The following PAPPA2 variants were observed in gnomAD, a reference collection of about 807,000 sequenced individuals.
PAPPA2 encodes pappalysin 2, also known as pappalysin-2.
Under a neutral mutation model 176.4 loss-of-function variants are expected in PAPPA2, and 86 were observed. The ratio of observed to expected loss-of-function variants is 0.49; its 90% CI spans 0.41 to 0.58. PAPPA2 has a LOEUF of 0.58. Among genes scored for constraint, PAPPA2 ranks in the 20% least tolerant of loss-of-function variants. PAPPA2 has a pLI of 0.00. For missense variants in PAPPA2, 2,073 were observed against 2,256.9 expected, an observed-to-expected ratio of 0.92 and a Z score of 1.65; for synonymous variants, 809 against 852.2, an observed-to-expected ratio of 0.95 and a Z score of 0.88.
chr1:176,464,573 G>A (rs955428220), intron 1 of PAPPA2, among the ~76,000 whole-genome samples: 5 of 152,084 alleles, frequency 3.3e-5, no homozygotes, highest in African/African-American at 9.7e-5. Context: ...GTCCAGATGA[G>A]GTACGATATT....
At chr1:176,704,116 C>T (rs902682969) in intron 9 of PAPPA2, among the ~76,000 whole-genome samples, 4 of 151,308 alleles carry the variant, frequency 2.6e-5, no homozygotes, top group African/African-American at 7.3e-5. Context: ...GCCATTTCTG[C>T]CTGGAGGATG....
chr1:176,496,146 G>A (rs970628172), intron 1 of PAPPA2, among the ~76,000 whole-genome samples: 1 of 152,136 alleles, frequency 6.6e-6, no homozygotes, highest in East Asian at 1.9e-4. Flanking sequence ...CAACGTGCAG[G>A]TTTGTTACAT....
intron 21 of PAPPA2, among the ~76,000 whole-genome samples, chr1:176,826,945 G>T (rs2102979829): frequency 6.6e-6 from 1 of 152,230 alleles, no homozygotes; most frequent in Admixed American, 6.5e-5. Context: ...TTGTGGTAAG[G>T]ATACCTTCTA....
intron 3 of PAPPA2, among the ~76,000 whole-genome samples, chr1:176,664,088 C>T (rs1443627273): frequency 1.3e-5 from 2 of 152,086 alleles, no homozygotes; most frequent in Non-Finnish European, 2.9e-5. Flanking sequence ...GCCAGATGTT[C>T]ACTCTCTTTA....
chr1:176,810,265 C>A (rs754363162), intron 21 of PAPPA2, among the ~76,000 whole-genome samples: 3 of 152,088 alleles, frequency 2.0e-5, no homozygotes, highest in Non-Finnish European at 4.4e-5. Flanking sequence ...ATCCATAGAG[C>A]TCAGATGCTC....
chr1:176,805,065 TCC>T (rs1665842734), intron 21 of PAPPA2, among the ~76,000 whole-genome samples: 1 of 31,996 alleles, frequency 3.1e-5, no homozygotes, highest in Non-Finnish European at 7.7e-5. Flanking sequence ...TTCCTTCCCT[TCC>T]TTCCTTCCTT....
intron 21 of PAPPA2, among the ~76,000 whole-genome samples, chr1:176,821,417 G>T (rs1256226966): frequency 3.3e-5 from 5 of 152,162 alleles, no homozygotes; most frequent in African/African-American, 9.7e-5. Context: ...AAAGGAAATG[G>T]CATGAAGCTG....
intron 1 of PAPPA2, among the ~76,000 whole-genome samples, chr1:176,474,609 A>G (rs1226634897): frequency 6.6e-6 from 1 of 152,196 alleles, no homozygotes; most frequent in Admixed American, 6.6e-5. Context: ...GCCCAGCAGG[A>G]GACTTCAGGG....
Position 176,706,468 on chromosome 1 carries a change from A to G in PAPPA2, c.3457+18A>G. 1 of 1,605,484 alleles carries G rather than the reference A, an allele frequency of 6.2e-7. No individual in the cohort carries two copies. Among genetic ancestry groups the G allele is most frequent in the Non-Finnish European group, 8.5e-7 (1 of 1,172,548 alleles). On this transcript the variant is annotated intron_variant, in intron 10 of 22. Coordinates refer to ENST00000367662, the MANE Select transcript of PAPPA2 (RefSeq NM_020318.3). ...CTGTGTAGGTAAGTTCAAGAGTTTC[A>G]GTCTAAGATTGTGTCCTACTTTTAG...
At chr1:176,703,991 G>C (rs1039754083) in intron 9 of PAPPA2, among the ~76,000 whole-genome samples, 1 of 152,104 alleles carries the variant, frequency 6.6e-6, no homozygotes, top group Admixed American at 6.6e-5. Flanking sequence ...GTGCTGGGGG[G>C]GGTGGGTGAC....
At chr1:176,748,413 T>A (rs1663019611) in intron 14 of PAPPA2, among the ~76,000 whole-genome samples, 1 of 152,158 alleles carries the variant, frequency 6.6e-6, no homozygotes, top group Admixed American at 6.6e-5. Context: ...TCCAAGCAGT[T>A]CTCTACCAGA....
chr1:176,542,100 A>C (rs1263921550), intron 1 of PAPPA2, among the ~76,000 whole-genome samples: 1 of 152,204 alleles, frequency 6.6e-6, no homozygotes, highest in African/African-American at 2.4e-5. Context: ...TTTACACATG[A>C]ACATTTTTAT....
chr1:176,832,611 C>G (rs975788499), intron 21 of PAPPA2, among the ~76,000 whole-genome samples: 7 of 152,126 alleles, frequency 4.6e-5, no homozygotes, highest in Non-Finnish European at 8.8e-5. Context: ...CCTCGGCCTC[C>G]CAAAGTGCTG....
At chr1:176,472,481 C>T (rs1378240739) in intron 1 of PAPPA2, among the ~76,000 whole-genome samples, 1 of 152,146 alleles carries the variant, frequency 6.6e-6, no homozygotes, top group African/African-American at 2.4e-5. Flanking sequence ...AGTCTAGGCT[C>T]ATCTTACATA....
intron 1 of PAPPA2, among the ~76,000 whole-genome samples, chr1:176,498,609 G>A (rs781738507): frequency 6.6e-6 from 1 of 152,006 alleles, no homozygotes; most frequent in Non-Finnish European, 1.5e-5. Context: ...AATTAGCCAG[G>A]TGTGGTGGCG....
At chr1:176,612,961 CG>C (rs899157825) in intron 3 of PAPPA2, among the ~76,000 whole-genome samples, 3 of 151,870 alleles carry the variant, frequency 2.0e-5, no homozygotes, top group Non-Finnish European at 4.4e-5. Context: ...TCTCTGAGAC[CG>C]GAAGGAAGGA....
chr1:176,791,374 C>T lies in PAPPA2; in HGVS notation c.4912C>T (p.Leu1638=). 1 of 1,611,104 alleles carries T rather than the reference C, an allele frequency of 6.2e-7. No homozygotes were observed. Among genetic ancestry groups the T allele is most frequent in the African/African-American group, 1.3e-5 (1 of 74,834 alleles). The stretch of plus-strand genomic sequence containing the variant: ...TCCCATCCTCTGCACTAAAGAGGGC[C>T]TGTGGACCCAGGAGTTTAAGTTGTG... ...KLPILCTKEG[L]WTQEFKLCEN... Residue 1638 remains leucine, a synonymous_variant, in exon 19 of 23, where the codon CTG becomes TTG. Transcript: ENST00000367662.
chr1:176,594,676 C>A lies in PAPPA2; in HGVS notation c.1072C>A (p.Arg358Ser). The change falls in exon 3 of 23, where the codon CGC becomes AGC. Residue 358 changes from arginine (R) to serine (S), a missense_variant. Arg to Ser is a moderately radical substitution (Grantham distance 110). Coordinates refer to ENST00000367662, the MANE Select transcript of PAPPA2 (RefSeq NM_020318.3). The stretch of plus-strand genomic sequence containing the variant: ...AGCCACCATCTTGATTAGCCACAGT[C>A]GCTACCAACCAGGCACATGGACCCA... Reference protein sequence around the residue: ...KKATILISHSRYQPGTWTHVA... With the variant: ...KKATILISHSSYQPGTWTHVA... 1 of 1,614,200 alleles carries A rather than the reference C, an allele frequency of 6.2e-7. No homozygotes were observed.
intron 1 of PAPPA2, among the ~76,000 whole-genome samples, chr1:176,466,750 C>T (rs555520327): frequency 6.6e-6 from 1 of 152,166 alleles, no homozygotes; most frequent in East Asian, 1.9e-4. Flanking sequence ...GTGTATCTGT[C>T]GCAGCACAGA....
Sources: gnomAD v4.1 joint callset for allele counts (sites outside exome capture counted in the v4.1 genomes callset) on GRCh38, gnomAD v4.1.1 for gene constraint, MANE v1.5 for transcripts, NCBI Gene and HGNC (gene_info 2026-07-23, HGNC 2026-07-21) for gene names.